The following DCHS2 variants were observed in gnomAD, a reference collection of about 807,000 sequenced individuals.
DCHS2 encodes the protein protocadherin-23.
In DCHS2, 142 loss-of-function variants were observed where a neutral mutation model predicts 182.4. The ratio of observed to expected loss-of-function variants is 0.78; its 90% confidence interval spans 0.68 to 0.89. The LOEUF is 0.89. Among genes scored for constraint, DCHS2 ranks in the 40% least tolerant of loss-of-function variants. The probability of loss-of-function intolerance (pLI) is 0.00; values close to 1 mark genes in which losing one functional copy is unlikely to be tolerated. For missense variants in DCHS2, 4,319 were observed against 4,198.6 expected (o/e 1.03, Z -0.79); for synonymous variants, 1,740 against 1,663.3 (o/e 1.05, Z -1.12).
At chr4:154,378,520 A>AAG (rs1579025517) in intron 1 of DCHS2, among the ~76,000 whole-genome samples, 8 of 64,078 alleles carry the variant, frequency 1.2e-4, no homozygotes, top group Admixed American at 1.7e-4. Context: ...AAGGAAGGAA[A>AAG]GAAGGAAGGA....
rs974222326 is a variant in DCHS2, at chr4:154,300,596, A to G, written c.5606-1888T>C. ...CCGCTGCTCAGGAGGCTGGGGTGGG[A>G]GAATTGCTTGAGCCTGACAGGGGGT... On this transcript the variant is annotated intron_variant, in intron 12 of 19. Coordinates refer to ENST00000357232, the MANE Select transcript of DCHS2 (RefSeq NM_001358235.2). Among the ~76,000 whole-genome samples, 3 of 150,146 alleles carry G rather than the reference A, an allele frequency of 2.0e-5. No homozygotes were observed. The South Asian group carries it at 6.4e-4, about 32-fold the overall frequency.
chr4:154,286,363 G>T (rs1356363983), intron 13 of DCHS2, among the ~76,000 whole-genome samples: 1 of 151,966 alleles, frequency 6.6e-6, no homozygotes, highest in Non-Finnish European at 1.5e-5. Context: ...ACTAAATAAG[G>T]CACCAGGGAC....
rs114273615 is a variant in DCHS2 at position 154,343,043 on chromosome 4, A to T, written c.2477-7939T>A. On this transcript the variant is annotated intron_variant, in intron 3 of 19. Transcript: ENST00000357232. Reference sequence around the variant, plus strand: ...AGAAAAAACCTCCTTGTATATCTTCATCAGAGCTCTTAGGTAGCCATGTGC... The same window carrying T: ...AGAAAAAACCTCCTTGTATATCTTCTTCAGAGCTCTTAGGTAGCCATGTGC... 2.3e-3 allele frequency among the ~76,000 whole-genome samples: 353 copies of T among 152,322 alleles called. 2 individuals carry two copies. Among genetic ancestry groups the T allele is most frequent in the African/African-American group, 8.1e-3 (338 of 41,572 alleles).
rs186192030 is a variant in DCHS2 at position 154,356,466 on chromosome 4, G to A, written c.2476+9744C>T. Among the ~76,000 whole-genome samples the A allele has an allele frequency of 7.4e-3, 1,120 of 152,270 alleles. 8 individuals are homozygous for A. Among genetic ancestry groups the A allele is most frequent in the Non-Finnish European group, 0.011 (749 of 68,028 alleles). On this transcript the variant is annotated intron_variant, in intron 3 of 19. Coordinates refer to ENST00000357232, the MANE Select transcript of DCHS2 (RefSeq NM_001358235.2). ...AAGTGTAGTATTTCTAAAGTCTACA[G>A]TAGTGTACAGTAATGTCCTACATCT...
chr4:154,379,412 C>T (rs1731069377), intron 1 of DCHS2, among the ~76,000 whole-genome samples: 1 of 152,112 alleles, frequency 6.6e-6, no homozygotes, highest in East Asian at 1.9e-4. Context: ...TTGGTGCATA[C>T]AAATAGTCTT....
chr4:154,457,803 C>T (rs1280755878), intron 1 of DCHS2, among the ~76,000 whole-genome samples: 1 of 152,164 alleles, frequency 6.6e-6, no homozygotes, highest in Admixed American at 6.6e-5. Context: ...GTTTCTGCTT[C>T]AGTACACCTG....
At chr4:154,479,684 A>G (rs2111034071) in intron 1 of DCHS2, among the ~76,000 whole-genome samples, 1 of 152,320 alleles carries the variant, frequency 6.6e-6, no homozygotes, top group South Asian at 2.1e-4. Context: ...CTCAAGGTAA[A>G]CTTATTAAAT....
chr4:154,246,059 CTT>C (rs1732056140), intron 16 of DCHS2, among the ~76,000 whole-genome samples: 2 of 152,106 alleles, frequency 1.3e-5, no homozygotes, highest in Admixed American at 1.3e-4. Flanking sequence ...TAAAAGAAGT[CTT>C]TTAAAATGCA....
chr4:154,431,438 A>G (rs1291616328), intron 1 of DCHS2, among the ~76,000 whole-genome samples: 1 of 152,056 alleles, frequency 6.6e-6, no homozygotes, highest in African/African-American at 2.4e-5. Context: ...TTATATATAT[A>G]TTGTTAGATA....
At chr4:154,306,262 T>C (rs555721743) in intron 10 of DCHS2, among the ~76,000 whole-genome samples, 2 of 152,220 alleles carry the variant, frequency 1.3e-5, no homozygotes, top group African/African-American at 4.8e-5. Flanking sequence ...GGCATTGGAA[T>C]GACCCTGAGA....
chr4:154,271,135 C>A lies in DCHS2; in HGVS notation c.6464-1122G>T, dbSNP rs1218601212. On this transcript the variant is annotated intron_variant, in intron 13 of 19. Transcript: ENST00000357232. ...ACAATCCTTGTAATTAGATCTAGAA[C>A]CAAATAAGGCAGGAGTGGGGAATAA... 4.6e-5 allele frequency among the ~76,000 whole-genome samples: 7 copies of A among 152,044 alleles called. No homozygotes were observed. In the East Asian group the frequency reaches 1.2e-3, roughly 25 times the overall value.
chr4:154,306,020 TAATAA>T (rs1462300205), intron 10 of DCHS2, among the ~76,000 whole-genome samples: 1 of 152,144 alleles, frequency 6.6e-6, no homozygotes, highest in Non-Finnish European at 1.5e-5. Context: ...TGTTATACTT[TAATAA>T]AAGACGAAAT....
rs755076387 is a variant in DCHS2, at chr4:154,304,779, G to A, written c.5495C>T (p.Ser1832Phe). The change falls in exon 12 of 20, where the codon TCC becomes TTC. Residue 1832 changes from serine (S) to phenylalanine (F), a missense_variant. Ser to Phe is a radical substitution (Grantham distance 155). Transcript: ENST00000357232. Reference protein sequence around the residue: ...ENDHAPEFIVSSYDIEVLENQ... With the variant: ...ENDHAPEFIVFSYDIEVLENQ... The stretch of plus-strand genomic sequence containing the variant: ...TTCCAGAACCTCAATGTCATAACTG[G>A]AAACAATAAACTCTGGTGCGTGATC... 33 of 1,613,790 alleles carry A rather than the reference G, an allele frequency of 2.0e-5. No individual in the cohort carries two copies. The highest frequency in any genetic ancestry group is 3.3e-4 in the Middle Eastern group (2 of 6,082).
intron 3 of DCHS2, among the ~76,000 whole-genome samples, chr4:154,364,635 C>T (rs1730266730): frequency 6.6e-6 from 1 of 152,212 alleles, no homozygotes; most frequent in Non-Finnish European, 1.5e-5. Context: ...GCCAGTTGCA[C>T]AAGCCAGACA....
intron 1 of DCHS2, chr4:154,391,263 T>C (rs769374132): frequency 6.2e-7 from 1 of 1,608,376 alleles, no homozygotes; most frequent in Non-Finnish European, 8.5e-7. Flanking sequence ...TTCTCCGTCT[T>C]CATTCTCTGA....
intron 14 of DCHS2, among the ~76,000 whole-genome samples, chr4:154,264,676 A>G (rs111246770): frequency 6.6e-6 from 1 of 152,204 alleles, no homozygotes; most frequent in African/African-American, 2.4e-5. Context: ...GAATTACAAG[A>G]CCAGCAAAAG....
chr4:154,449,269 C>T (rs1734433111), intron 1 of DCHS2, among the ~76,000 whole-genome samples: 1 of 151,732 alleles, frequency 6.6e-6, no homozygotes, highest in Non-Finnish European at 1.5e-5. Context: ...TATTACCATT[C>T]ATGTTTTAAT....
At chr4:154,273,717 A>G (rs1331962694) in intron 13 of DCHS2, among the ~76,000 whole-genome samples, 1 of 152,186 alleles carries the variant, frequency 6.6e-6, no homozygotes, top group Non-Finnish European at 1.5e-5. Context: ...TAGTTCCTTT[A>G]CTGGCCTTAG....
Position 154,236,256 on chromosome 4 carries a change from C to T in DCHS2, c.8396G>A (p.Gly2799Asp). The T allele has an allele frequency of 6.2e-7, 1 of 1,613,968 alleles. No individual in the cohort carries two copies. Among genetic ancestry groups the T allele is most frequent in the Admixed American group, 1.7e-5 (1 of 60,006 alleles). ...CSINALDFDA[G>D]PYGELTYSIV... ...AGAATAGGTCAATTCTCCATACGGACCAGCATCAAAATCCAGAGCATTTAT... is the reference window on the plus strand; with the variant it reads ...AGAATAGGTCAATTCTCCATACGGATCAGCATCAAAATCCAGAGCATTTAT... The change falls in exon 20 of 20, where the codon GGT becomes GAT. Residue 2799 changes from glycine (G) to aspartate (D), a missense_variant. Coordinates refer to ENST00000357232, the MANE Select transcript of DCHS2 (RefSeq NM_001358235.2).
Sources: allele counts gnomAD v4.1 joint callset (sites outside exome capture counted in the v4.1 genomes callset), GRCh38; gene constraint gnomAD v4.1.1; transcripts MANE v1.5; gene names NCBI Gene and HGNC (gene_info 2026-07-23, HGNC 2026-07-21).